The following SHQ1 variants were observed in gnomAD, a reference collection of about 807,000 sequenced individuals.
SHQ1 encodes the protein protein SHQ1 homolog.
Under a neutral mutation model 53.8 loss-of-function variants are expected in SHQ1, and 49 were observed. The observed-to-expected ratio is 0.91, with a 90% CI of 0.72 to 1.16. SHQ1 has a LOEUF of 1.16. Among genes scored for constraint, SHQ1 ranks in the 50% most tolerant of loss-of-function variants. SHQ1 has a pLI of 0.00. For synonymous variants in SHQ1, 243 were observed against 251.0 expected (o/e 0.97, Z 0.30); for missense variants, 738 against 683.1 (o/e 1.08, Z -0.90).
chr3:72,739,567 G>C, the SHQ1 span, among the ~76,000 whole-genome samples: 2 of 152,170 alleles, frequency 1.3e-5, no homozygotes, highest in Non-Finnish European at 2.9e-5. Context: ...TCTAACCCTG[G>C]CTTCCCCTTC....
rs1705787558 is a variant in SHQ1, at chr3:72,768,812, A to C, written c.1182-17976T>G. On this transcript the variant is annotated intron_variant, in intron 10 of 10. Coordinates refer to ENST00000325599, the MANE Select transcript of SHQ1 (RefSeq NM_018130.3). Reference sequence around the variant, plus strand: ...TTTACAACAGCGTTCAACATGAGCCACCAGGTCAAATGCTGTGTGCCCCCA... The same window carrying C: ...TTTACAACAGCGTTCAACATGAGCCCCCAGGTCAAATGCTGTGTGCCCCCA... 2.0e-5 allele frequency among the ~76,000 whole-genome samples: 3 copies of C among 152,194 alleles called. No homozygotes were observed. The South Asian group carries it at 6.2e-4, about 31-fold the overall frequency.
At chr3:72,817,654 C>G (rs936052640) in intron 6 of SHQ1, among the ~76,000 whole-genome samples, 47 of 152,206 alleles carry the variant, frequency 3.1e-4, no homozygotes, top group African/African-American at 1.0e-3. Flanking sequence ...CTACACTGTT[C>G]TGTACTTAAG....
chr3:72,832,524 T>A, intron 4 of SHQ1, 43 bp from the exon 5 acceptor site: 2 of 1,417,076 alleles, frequency 1.4e-6, no homozygotes, highest in Middle Eastern at 4.6e-4. Context: ...TATCTCCTAT[T>A]TTTAGCATTT....
intron 10 of SHQ1, among the ~76,000 whole-genome samples, chr3:72,756,767 A>G (rs1705504905): frequency 6.6e-6 from 1 of 152,260 alleles, no homozygotes; most frequent in South Asian, 2.1e-4. Context: ...TAACTTAAAA[A>G]AGACCTTTCA....
At chr3:72,732,445 T>C in the SHQ1 span, among the ~76,000 whole-genome samples, 90 of 140,700 alleles carry the variant, frequency 6.4e-4, no homozygotes, top group Admixed American at 2.5e-3. Flanking sequence ...TCTCTTTAGC[T>C]GAATTGGGCA....
At chr3:72,810,583 G>C (rs1437914505) in intron 9 of SHQ1, among the ~76,000 whole-genome samples, 1 of 152,156 alleles carries the variant, frequency 6.6e-6, no homozygotes, top group African/African-American at 2.4e-5. Context: ...ATAATAAAAA[G>C]TGTGAACACT....
intron 10 of SHQ1, among the ~76,000 whole-genome samples, chr3:72,764,899 G>A (rs1705688077): frequency 6.6e-6 from 1 of 152,190 alleles, no homozygotes; most frequent in Non-Finnish European, 1.5e-5. Context: ...ATGGTGGGAG[G>A]TTCCCCCTGT....
At chr3:72,822,974 C>T (rs558284385) in intron 6 of SHQ1, among the ~76,000 whole-genome samples, 34 of 152,006 alleles carry the variant, frequency 2.2e-4, no homozygotes, top group Admixed American at 6.5e-4. Flanking sequence ...AGGGTGAAAC[C>T]CCGTCTCTAG....
chr3:72,843,156 T>C (rs1041026904), intron 2 of SHQ1, among the ~76,000 whole-genome samples: 1 of 152,000 alleles, frequency 6.6e-6, no homozygotes, highest in Admixed American at 6.6e-5. Flanking sequence ...TACCTACTGA[T>C]AATATTAAAA....
intron 5 of SHQ1, among the ~76,000 whole-genome samples, chr3:72,831,744 T>G (rs548945330): frequency 6.6e-6 from 1 of 152,380 alleles, no homozygotes; most frequent in Non-Finnish European, 1.5e-5. Flanking sequence ...CAAGTCATCA[T>G]GTACCTATCT....
chr3:72,726,445 C>T, the SHQ1 span, among the ~76,000 whole-genome samples: 3 of 152,186 alleles, frequency 2.0e-5, no homozygotes, highest in Non-Finnish European at 2.9e-5. Context: ...CTCTGCCTCC[C>T]AGGCTCAAGC....
intron 10 of SHQ1, among the ~76,000 whole-genome samples, chr3:72,791,184 A>G (rs1372661379): frequency 6.6e-6 from 1 of 152,018 alleles, no homozygotes; most frequent in East Asian, 1.9e-4. Flanking sequence ...CATCATTCCT[A>G]AAAAAAAGAA....
At chr3:72,738,827 C>A in the SHQ1 span, among the ~76,000 whole-genome samples, 1 of 152,226 alleles carries the variant, frequency 6.6e-6, no homozygotes. Flanking sequence ...CGCTGGGAGA[C>A]CCTCCTCCAG....
rs1157411367 is a variant in SHQ1 at position 72,792,938 on chromosome 3, A to G, written c.1159T>C (p.Cys387Arg). 1 of 1,610,200 alleles carries G rather than the reference A, an allele frequency of 6.2e-7. No homozygotes were observed. The highest frequency in any genetic ancestry group is 2.2e-4 in the Middle Eastern group (1 of 4,588). Residue 387 changes from cysteine (C) to arginine (R), a missense_variant, in exon 10 of 11, where the codon TGT (cysteine) becomes CGT (arginine). Cys to Arg is a radical substitution (Grantham distance 180). Transcript: ENST00000325599. Reference sequence around the variant, plus strand: ...TACTTGACTTTCTGAATCCACACACAGTAGTCTGAGATGTAGAGATCATTC... The same window carrying G: ...TACTTGACTTTCTGAATCCACACACGGTAGTCTGAGATGTAGAGATCATTC... ...ILNDLYISDY[C>R]VWIQKVKSKK...
intron 9 of SHQ1, 77 bp from the exon 10 acceptor site, chr3:72,793,113 C>T: frequency 1.5e-6 from 2 of 1,294,464 alleles, no homozygotes; most frequent in African/African-American, 1.5e-5. Context: ...ATATCTAAAG[C>T]AGCTCAGAAT....
chr3:72,771,994 C>T (rs966440949), intron 10 of SHQ1, among the ~76,000 whole-genome samples: 2 of 151,488 alleles, frequency 1.3e-5, no homozygotes, highest in African/African-American at 4.9e-5. Flanking sequence ...CACACAGCAG[C>T]GACAGTGCAG....
At chr3:72,840,880 T>C (rs1427081268) in intron 4 of SHQ1, among the ~76,000 whole-genome samples, 165 bp downstream of exon 4, 1 of 152,122 alleles carries the variant, frequency 6.6e-6, no homozygotes, top group Non-Finnish European at 1.5e-5. Context: ...GCCAATGAAA[T>C]GGAAGGGAAT....
chr3:72,817,165 G>A (rs1460838888), intron 7 of SHQ1, 65 bp downstream of exon 7: 1 of 1,509,296 alleles, frequency 6.6e-7, no homozygotes, highest in Non-Finnish European at 9.0e-7. Flanking sequence ...AAGAAAGACT[G>A]ATGCTTTAAT....
intron 2 of SHQ1, among the ~76,000 whole-genome samples, chr3:72,843,714 C>T (rs1708246654): frequency 6.6e-6 from 1 of 152,202 alleles, no homozygotes; most frequent in Non-Finnish European, 1.5e-5. Flanking sequence ...AATTACACTG[C>T]ATTATGGGTT....
Sources: gnomAD v4.1 joint callset for allele counts (sites outside exome capture counted in the v4.1 genomes callset) on GRCh38, gnomAD v4.1.1 for gene constraint, MANE v1.5 for transcripts, NCBI Gene and HGNC (gene_info 2026-07-23, HGNC 2026-07-21) for gene names.